Variants in PCNX1 observed in about 807,000 individuals in gnomAD.
The protein encoded by PCNX1 is pecanex 1.
A neutral mutation model predicts 242.2 loss-of-function variants in PCNX1; 78 were observed. The ratio of observed to expected loss-of-function variants is 0.32; its 90% confidence interval spans 0.27 to 0.39. PCNX1 has a LOEUF of 0.39. Among genes scored for constraint, PCNX1 ranks in the 10% least tolerant of loss-of-function variants. PCNX1 has a pLI of 1.00. For synonymous variants in PCNX1, 1,024 were observed against 1,032.9 expected, an observed-to-expected ratio of 0.99 and a Z score of 0.17; for missense variants, 2,581 against 2,856.5, an observed-to-expected ratio of 0.90 and a Z score of 2.20.
chr14:71,041,312 G>C (rs35631530), intron 19 of PCNX1, among the ~76,000 whole-genome samples: 55,600 of 151,902 alleles, frequency 0.37, 10,439 homozygotes, highest in East Asian at 0.62. Flanking sequence ...GAATTCAGCA[G>C]TGAAGCCATC....
At chr14:70,973,259 A>T (rs1036583952) in intron 5 of PCNX1, among the ~76,000 whole-genome samples, 2 of 151,148 alleles carry the variant, frequency 1.3e-5, no homozygotes, top group Non-Finnish European at 2.9e-5. Context: ...TCTCAAAAAA[A>T]AAAAAAAAAA....
At chr14:70,945,446 C>T (rs1032578627) in intron 1 of PCNX1, among the ~76,000 whole-genome samples, 1 of 152,038 alleles carries the variant, frequency 6.6e-6, no homozygotes, top group Non-Finnish European at 1.5e-5. Flanking sequence ...CTTCTTAATC[C>T]AAGTATTTAA....
At chr14:70,994,572 A>G (rs995930648) in intron 7 of PCNX1, among the ~76,000 whole-genome samples, 5 of 151,518 alleles carry the variant, frequency 3.3e-5, no homozygotes, top group South Asian at 4.1e-4. Context: ...ATGATAAAGT[A>G]ACTGAATAAG....
Position 71,114,443 on chromosome 14 carries a change from C to G in PCNX1, c.*4508C>G, listed in dbSNP as rs568397830. The G allele has an allele frequency of 6.6e-6, 1 of 152,370 alleles. No homozygotes were observed. Among genetic ancestry groups the G allele is most frequent in the East Asian group, 1.9e-4 (1 of 5,184 alleles). 9.4% of individuals were successfully genotyped at this position (152,370 alleles called of 1,614,324 possible). ...GCTTGAAACAGAAGTATATTTTCTA[C>G]TTTGAATCACCTCACCAGAGTCATC... On this transcript the variant is annotated 3_prime_UTR_variant, in exon 36 of 36. Coordinates refer to ENST00000304743, the MANE Select transcript of PCNX1 (RefSeq NM_014982.3).
intron 30 of PCNX1, among the ~76,000 whole-genome samples, chr14:71,098,364 TGGG>T (rs2062356763): frequency 2.0e-5 from 3 of 152,224 alleles, no homozygotes; most frequent in Admixed American, 6.5e-5. Context: ...TAGATTGCCT[TGGG>T]CAGTATGGCT....
chr14:70,938,571 G>T (rs1395916918), intron 1 of PCNX1, among the ~76,000 whole-genome samples: 1 of 152,196 alleles, frequency 6.6e-6, no homozygotes, highest in South Asian at 2.1e-4. Flanking sequence ...GTTCATCAAG[G>T]ATATTGGTCT....
chr14:70,938,214 T>C, intron 1 of PCNX1, among the ~76,000 whole-genome samples: 1 of 152,182 alleles, frequency 6.6e-6, no homozygotes, highest in Non-Finnish European at 1.5e-5. Context: ...GTGCCAGTTT[T>C]CAAAGGGAGT....
At chr14:70,961,608 A>C (rs371955750) in intron 2 of PCNX1, among the ~76,000 whole-genome samples, 1 of 152,180 alleles carries the variant, frequency 6.6e-6, no homozygotes, top group Non-Finnish European at 1.5e-5. Context: ...ACTACATAGC[A>C]TCACTTTCTT....
intron 28 of PCNX1, among the ~76,000 whole-genome samples, chr14:71,084,916 G>A (rs1045168286): frequency 7.9e-5 from 12 of 152,276 alleles, no homozygotes; most frequent in South Asian, 6.2e-4. Flanking sequence ...CAGTTAGCTC[G>A]GTGTCTGCCC....
At chr14:71,071,782 T>C (rs2061592681) in intron 26 of PCNX1, among the ~76,000 whole-genome samples, 1 of 152,198 alleles carries the variant, frequency 6.6e-6, no homozygotes, top group South Asian at 2.1e-4. Flanking sequence ...CCTTCCTCAC[T>C]AAGCTTCCTT....
At chr14:70,956,694 G>T (rs1595041259) in intron 2 of PCNX1, among the ~76,000 whole-genome samples, 1 of 152,172 alleles carries the variant, frequency 6.6e-6, no homozygotes, top group South Asian at 2.1e-4. Flanking sequence ...GGGAAATAAA[G>T]AAAGAACAGA....
chr14:70,987,510 A>T (rs1401285528), intron 6 of PCNX1, among the ~76,000 whole-genome samples: 1 of 152,174 alleles, frequency 6.6e-6, no homozygotes, highest in Non-Finnish European at 1.5e-5. Flanking sequence ...TTTACCCCAC[A>T]AGTAAAGGAA....
chr14:71,008,055 A>G (rs1689289361), intron 8 of PCNX1, among the ~76,000 whole-genome samples: 1 of 152,066 alleles, frequency 6.6e-6, no homozygotes, highest in African/African-American at 2.4e-5. Context: ...TTTTTTCCCT[A>G]ACTTAGGAGT....
At chr14:70,994,721 T>C (rs2059296679) in intron 7 of PCNX1, among the ~76,000 whole-genome samples, 2 of 152,008 alleles carry the variant, frequency 1.3e-5, no homozygotes, top group South Asian at 4.1e-4. Context: ...ATAATTATAC[T>C]CAAAACATTT....
At chr14:70,976,873 C>A in intron 5 of PCNX1, 69 bp from the exon 6 acceptor site, 1 of 1,326,610 alleles carries the variant, frequency 7.5e-7, no homozygotes. Flanking sequence ...TGAATTCTTT[C>A]CATTGTTAAA....
chr14:71,070,590 G>C (rs2061563186), intron 26 of PCNX1, among the ~76,000 whole-genome samples: 1 of 152,224 alleles, frequency 6.6e-6, no homozygotes, highest in African/African-American at 2.4e-5. Context: ...CATTGTCAAT[G>C]AGTAGTAATA....
intron 28 of PCNX1, among the ~76,000 whole-genome samples, chr14:71,077,616 A>G (rs1432982435): frequency 6.6e-6 from 1 of 152,080 alleles, no homozygotes; most frequent in African/African-American, 2.4e-5. Context: ...GTATATACTG[A>G]GCAGAGTAGT....
At chr14:70,933,962 C>G (rs1227921523) in intron 1 of PCNX1, among the ~76,000 whole-genome samples, 1 of 152,184 alleles carries the variant, frequency 6.6e-6, no homozygotes, top group Non-Finnish European at 1.5e-5. Context: ...ACTTCCAGAT[C>G]TTGAGCCAGT....
intron 26 of PCNX1, among the ~76,000 whole-genome samples, chr14:71,068,545 T>C (rs1418639277): frequency 1.3e-5 from 2 of 149,004 alleles, no homozygotes; most frequent in African/African-American, 4.9e-5. Context: ...ATCCGTCCAG[T>C]CCTGGACTCT....
Sources: allele counts gnomAD v4.1 joint callset (sites outside exome capture counted in the v4.1 genomes callset), GRCh38; gene constraint gnomAD v4.1.1; transcripts MANE v1.5; gene names NCBI Gene and HGNC (gene_info 2026-07-23, HGNC 2026-07-21).